The following FMN2 variants were observed in gnomAD, a reference collection of about 807,000 sequenced individuals.
FMN2 encodes formin 2, also known as formin-2.
Under a neutral mutation model 142.3 loss-of-function variants are expected in FMN2, and 51 were observed. That is an observed-to-expected ratio of 0.36 (90% CI 0.29 to 0.45). The LOEUF (loss-of-function observed/expected upper bound fraction) is 0.45. FMN2 is among the 20% of genes least tolerant of loss of function. The pLI, the probability that FMN2 is intolerant of heterozygous loss-of-function variation, is 1.00. For missense variants in FMN2, 1,936 were observed against 2,122.8 expected (o/e 0.91, Z 1.73); for synonymous variants, 882 against 869.8 (o/e 1.01, Z -0.25).
At chr1:240,368,957 A>ATATG (rs940721260) in intron 14 of FMN2, among the ~76,000 whole-genome samples, 5 of 148,886 alleles carry the variant, frequency 3.4e-5, no homozygotes, top group Admixed American at 6.7e-5. Flanking sequence ...CACAATGTTT[A>ATATG]TATATATATA....
intron 2 of FMN2, among the ~76,000 whole-genome samples, chr1:240,163,898 G>C (rs987776343): frequency 1.3e-5 from 2 of 151,708 alleles, no homozygotes; most frequent in South Asian, 2.1e-4. Context: ...ATTAAGACAA[G>C]GTCTCCCTCT....
At chr1:240,359,298 A>G (rs1672383237) in intron 14 of FMN2, among the ~76,000 whole-genome samples, 1 of 152,210 alleles carries the variant, frequency 6.6e-6, no homozygotes, top group African/African-American at 2.4e-5. Flanking sequence ...CATCAATAAT[A>G]GTATTCTTAC....
At chr1:240,121,366 AT>A (rs963209477) in intron 1 of FMN2, among the ~76,000 whole-genome samples, 3 of 146,476 alleles carry the variant, frequency 2.0e-5, no homozygotes, top group Non-Finnish European at 1.5e-5. Flanking sequence ...CCAGTGTCTT[AT>A]TTTTTTTATT....
chr1:240,229,221 C>A (rs1460086254), intron 6 of FMN2, among the ~76,000 whole-genome samples: 1 of 152,142 alleles, frequency 6.6e-6, no homozygotes, highest in African/African-American at 2.4e-5. Flanking sequence ...AATCTAAAGA[C>A]TTCTGTGTTT....
intron 13 of FMN2, 69 bp downstream of exon 13, chr1:240,334,298 T>C (rs12122068): frequency 0.21 from 306,216 of 1,449,950 alleles, 33,964 homozygotes; most frequent in Admixed American, 0.38. Flanking sequence ...GACTTTTCAA[T>C]GTTTTTAGAG....
chr1:240,155,586 G>A (rs1452196769), intron 2 of FMN2, among the ~76,000 whole-genome samples: 2 of 152,266 alleles, frequency 1.3e-5, no homozygotes, highest in Non-Finnish European at 2.9e-5. Flanking sequence ...CTATCAAAAT[G>A]TTTTTAAACT....
intron 6 of FMN2, among the ~76,000 whole-genome samples, chr1:240,222,016 T>TTA (rs1361705418): frequency 6.8e-6 from 1 of 146,422 alleles, no homozygotes. Flanking sequence ...CCCAGCTAAT[T>TTA]TTTTTTTTTT....
intron 15 of FMN2, among the ~76,000 whole-genome samples, chr1:240,411,570 C>CAA (rs757715188): frequency 2.9e-5 from 3 of 103,666 alleles, no homozygotes; most frequent in Admixed American, 1.1e-4. Flanking sequence ...GACTCCATCT[C>CAA]AAAAAAAAAA....
At chr1:240,456,562 T>A (rs1173740343) in intron 16 of FMN2, among the ~76,000 whole-genome samples, 1 of 152,228 alleles carries the variant, frequency 6.6e-6, no homozygotes, top group Non-Finnish European at 1.5e-5. Flanking sequence ...GTTCAAGTGA[T>A]TCTCCTGCCT....
chr1:240,119,703 G>A (rs1260636936), intron 1 of FMN2, among the ~76,000 whole-genome samples: 3 of 152,182 alleles, frequency 2.0e-5, no homozygotes, highest in Non-Finnish European at 4.4e-5. Context: ...ATGCTTTCAT[G>A]GAAGTAGAGT....
intron 4 of FMN2, among the ~76,000 whole-genome samples, chr1:240,193,916 C>T (rs1015353050): frequency 2.6e-5 from 4 of 152,212 alleles, no homozygotes; most frequent in Non-Finnish European, 5.9e-5. Context: ...GTTCAGACTC[C>T]TGAGTTTGAC....
At chr1:240,269,340 A>C (rs1403071256) in intron 7 of FMN2, among the ~76,000 whole-genome samples, 2 of 152,076 alleles carry the variant, frequency 1.3e-5, no homozygotes, top group South Asian at 4.1e-4. Context: ...CTTTGTTGCA[A>C]ATCAATTGAC....
chr1:240,352,270 T>C (rs995829188), intron 13 of FMN2, among the ~76,000 whole-genome samples: 1 of 152,144 alleles, frequency 6.6e-6, no homozygotes, highest in Non-Finnish European at 1.5e-5. Flanking sequence ...AATCAGTAGA[T>C]AGTTGATCGA....
chr1:240,417,309 G>A lies in FMN2; in HGVS notation c.4911-20752G>A, dbSNP rs1000587596. ...TTACAGTGGATGGCATCTTATAATC[G>A]ATGTGGGCTCGATTTAAAGTCAGCT... On this transcript the variant is annotated intron_variant, in intron 15 of 17. Transcript: ENST00000319653. Among the ~76,000 whole-genome samples the A allele has an allele frequency of 9.3e-5, 14 of 151,284 alleles. 1 individual carries two copies. Among genetic ancestry groups the A allele is most frequent in the South Asian group, 6.3e-4 (3 of 4,782 alleles).
At chr1:240,177,651 T>C (rs1664974395) in intron 2 of FMN2, among the ~76,000 whole-genome samples, 1 of 152,152 alleles carries the variant, frequency 6.6e-6, no homozygotes, top group South Asian at 2.1e-4. Context: ...CAGGGCTACA[T>C]AGCATCTCTC....
chr1:240,270,045 G>A (rs1668944138), intron 7 of FMN2, among the ~76,000 whole-genome samples: 3 of 151,910 alleles, frequency 2.0e-5, no homozygotes. Context: ...TAATTGCTCT[G>A]GCTAGGATGT....
intron 15 of FMN2, among the ~76,000 whole-genome samples, chr1:240,399,339 G>GA (rs60378280): frequency 0.026 from 3,964 of 152,060 alleles, 153 homozygotes; most frequent in African/African-American, 0.086. Context: ...CATTAAACTG[G>GA]AAAAAACAAT....
chr1:240,112,138 T>C (rs1379042895), intron 1 of FMN2, among the ~76,000 whole-genome samples: 1 of 150,196 alleles, frequency 6.7e-6, no homozygotes, highest in African/African-American at 2.4e-5. Context: ...GCATTTTCTT[T>C]TTTTTTTTTT....
intron 6 of FMN2, among the ~76,000 whole-genome samples, chr1:240,228,186 C>T (rs1425710535): frequency 1.3e-5 from 2 of 150,424 alleles, no homozygotes; most frequent in African/African-American, 2.4e-5. Context: ...GCCTATAATC[C>T]CAGCTACTCG....
Sources: gnomAD v4.1 joint callset for allele counts (sites outside exome capture counted in the v4.1 genomes callset) on GRCh38, gnomAD v4.1.1 for gene constraint, MANE v1.5 for transcripts, NCBI Gene and HGNC (gene_info 2026-07-23, HGNC 2026-07-21) for gene names.